Variants in ZNF416 observed in about 807,000 individuals in gnomAD.
ZNF416 encodes the protein zinc finger protein 416.
Under a neutral mutation model 10.9 loss-of-function variants are expected in ZNF416, and 5 were observed. The observed-to-expected ratio is 0.46, with a 90% confidence interval of 0.24 to 0.97. The LOEUF is 0.97. ZNF416 is among the 50% of genes least tolerant of loss of function. ZNF416 has a pLI of 0.19. For synonymous variants in ZNF416, 267 were observed against 251.8 expected, an observed-to-expected ratio of 1.06 and a Z score of -0.57; for missense variants, 675 against 715.0, an observed-to-expected ratio of 0.94 and a Z score of 0.64.
rs781384909 is a variant in ZNF416 at position 57,573,572 on chromosome 19, G to A, written c.332C>T (p.Pro111Leu). The A allele has an allele frequency of 6.2e-7, 1 of 1,614,214 alleles. No individual in the cohort carries two copies. The highest frequency in any genetic ancestry group is 1.1e-5 in the South Asian group (1 of 91,076). Residue 111 changes from proline (P) to leucine (L), a missense_variant, in exon 4 of 4, where the codon CCA becomes CTA. Physicochemically the swap from Pro to Leu is moderately conservative, Grantham distance 98 (BLOSUM62 -3). Coordinates refer to ENST00000196489, the MANE Select transcript of ZNF416 (RefSeq NM_017879.3). ...QKIQSCDMCV[P>L]FLTDILHLTD... ...CAGGTGCAAAATGTCGGTCAGGAAT[G>A]GGACACACATGTCACAGGATTGAAT... is the stretch of plus-strand genomic sequence containing the variant.
Position 57,578,044 on chromosome 19 carries a change from ACT to A in ZNF416, c.75+11_75+12del, listed in dbSNP as rs1262409736. ...GTCAGCATCAGTGAGGGCCCGAAACACTCTCCACTCACCTGTGTAAAGCCCAT... is the reference window on the plus strand; with the variant it reads ...GTCAGCATCAGTGAGGGCCCGAAACACTCCACTCACCTGTGTAAAGCCCAT... On this transcript the variant is annotated intron_variant, in intron 2 of 3. Coordinates refer to ENST00000196489, the MANE Select transcript of ZNF416 (RefSeq NM_017879.3). 3 of 1,613,754 alleles carry A rather than the reference ACT, an allele frequency of 1.9e-6. No homozygotes were observed. The highest frequency in any genetic ancestry group is 4.5e-5 in the East Asian group (2 of 44,870).
chr19:57,575,977 G>A lies in ZNF416; in HGVS notation c.76-47C>T. 4 of 1,593,766 alleles carry A rather than the reference G, an allele frequency of 2.5e-6. No individual in the cohort carries two copies. The highest frequency in any genetic ancestry group is 2.3e-5 in the South Asian group (2 of 88,750). ...TTTCCATGATCAGATTCTCTCCTAGGACCCCAAGTTCATGCCCCCCACACA... is the reference window on the plus strand; with the variant it reads ...TTTCCATGATCAGATTCTCTCCTAGAACCCCAAGTTCATGCCCCCCACACA... On this transcript the variant is annotated intron_variant, in intron 2 of 3. Coordinates refer to ENST00000196489, the MANE Select transcript of ZNF416 (RefSeq NM_017879.3). The surrounding 1 kb of genome is among the most constrained non-coding windows in gnomAD (Gnocchi z 4.4).
rs765600382 is a variant in ZNF416 at position 57,573,550 on chromosome 19, G to A, written c.354C>T (p.His118=). Residue 118 remains histidine, a synonymous_variant, in exon 4 of 4, where the codon CAC becomes CAT. Coordinates refer to ENST00000196489, the MANE Select transcript of ZNF416 (RefSeq NM_017879.3). ...MCVPFLTDIL[H]LTDLPGQELY... ...GTTCCTGCCCAGGCAAATCGGTCAGGTGCAAAATGTCGGTCAGGAATGGGA... is the reference window on the plus strand; with the variant it reads ...GTTCCTGCCCAGGCAAATCGGTCAGATGCAAAATGTCGGTCAGGAATGGGA... 6.2e-7 allele frequency: 1 copy of A among 1,614,186 alleles called. No individual in the cohort carries two copies. Among genetic ancestry groups the A allele is most frequent in the Non-Finnish European group, 8.5e-7 (1 of 1,180,038 alleles).
rs137973128 is a variant in ZNF416, at chr19:57,578,070, A to G, written c.62T>C (p.Met21Thr). Residue 21 changes from methionine (M) to threonine (T), a missense_variant, in exon 2 of 4, where the codon ATG (methionine) becomes ACG (threonine). Coordinates refer to ENST00000196489, the MANE Select transcript of ZNF416 (RefSeq NM_017879.3). ...CTCTCCACTCACCTGTGTAAAGCCC[A>G]TAAGTTTAGCTTCTGCAGTCACGGG... is the stretch of plus-strand genomic sequence containing the variant. Reference protein sequence around the residue: ...SVPVTAEAKLMGFTQGCVTFE... With the variant: ...SVPVTAEAKLTGFTQGCVTFE... The G allele has an allele frequency of 2.4e-4, 394 of 1,614,126 alleles. No individual in the cohort carries two copies. The highest frequency in any genetic ancestry group is 9.7e-4 in the Admixed American group (58 of 60,002).
intron 3 of ZNF416, among the ~76,000 whole-genome samples, chr19:57,574,109 T>A (rs1300795915): frequency 4.6e-5 from 7 of 152,178 alleles, no homozygotes. Context: ...CTTAAAGAGA[T>A]AGCAAAGGGC....
rs1436936509 is a variant in ZNF416 at position 57,578,884 on chromosome 19, A to G, written c.-180T>C. 2 of 498,670 alleles carry G rather than the reference A, an allele frequency of 4.0e-6. No homozygotes were observed. The highest frequency in any genetic ancestry group is 4.0e-5 in the African/African-American group (2 of 49,454). 30.9% of individuals were successfully genotyped at this position (498,670 alleles called of 1,614,324 possible). A position where few individuals can be genotyped will look rare whatever the true frequency, so the allele number is the denominator to read the frequency against. On this transcript the variant is annotated 5_prime_UTR_variant, in exon 1 of 4. Coordinates refer to ENST00000196489, the MANE Select transcript of ZNF416 (RefSeq NM_017879.3). ...GCCGAGGTAGAGAACCACCAAAATTACCATCTCGGAGCGGTGCCGGAAGTC... is the reference window on the plus strand; with the variant it reads ...GCCGAGGTAGAGAACCACCAAAATTGCCATCTCGGAGCGGTGCCGGAAGTC...
chr19:57,572,595 G>A lies in ZNF416; in HGVS notation c.1309C>T (p.Pro437Ser), dbSNP rs1447658071. 2.5e-6 allele frequency: 4 copies of A among 1,614,124 alleles called. No homozygotes were observed. The highest frequency in any genetic ancestry group is 3.4e-6 in the Non-Finnish European group (4 of 1,180,030). ...TTTCCGCACTCATCACACTCAAAGG[G>A]CCTAGCTCCACTGTGAATTAACTGG... ...QHQLIHSGAR[P>S]FECDECGKSF... Residue 437 changes from proline to serine, a missense_variant, in exon 4 of 4, where the codon CCC becomes TCC. Physicochemically the swap from Pro to Ser is moderately conservative, Grantham distance 74. Coordinates refer to ENST00000196489, the MANE Select transcript of ZNF416 (RefSeq NM_017879.3). This position sits in a 1 kb window ranked among gnomAD's most constrained non-coding sequence, Gnocchi z 4.5.
chr19:57,578,705 C>T lies in ZNF416; in HGVS notation c.-1G>A. 8.4e-6 allele frequency: 13 copies of T among 1,540,996 alleles called. No individual in the cohort carries two copies. The highest frequency in any genetic ancestry group is 1.1e-5 in the Non-Finnish European group (13 of 1,144,094). ...AATCCCTAAGCACGGCCGCCGCCAT[C>T]GGATTGTGAGCGGAGCGGGGCCGGG... On this transcript the variant is annotated 5_prime_UTR_variant, in exon 1 of 4. Coordinates refer to ENST00000196489, the MANE Select transcript of ZNF416 (RefSeq NM_017879.3).
At chr19:57,574,060 T>C (rs1298449760) in intron 3 of ZNF416, among the ~76,000 whole-genome samples, 1 of 152,078 alleles carries the variant, frequency 6.6e-6, no homozygotes, top group Non-Finnish European at 1.5e-5. Flanking sequence ...AAAACATTGC[T>C]GGCTGGGGAG....
At position 57,577,305 on chromosome 19, in the gene ZNF416, G is replaced by A. The variant is rs1599910491; in HGVS notation, c.75+752C>T. 2.6e-5 allele frequency among the ~76,000 whole-genome samples: 4 copies of A among 152,164 alleles called. No homozygotes were observed. In the South Asian group the frequency reaches 8.3e-4, roughly 32 times the overall value. Reference sequence around the variant, plus strand: ...TTAAAAAATTTTAAAAATAAAGATGGTCCATATCAAAATTTCTGATTATCT... The same window carrying A: ...TTAAAAAATTTTAAAAATAAAGATGATCCATATCAAAATTTCTGATTATCT... On this transcript the variant is annotated intron_variant, in intron 2 of 3. Transcript: ENST00000196489.
At position 57,572,199 on chromosome 19, in the gene ZNF416, G is replaced by A. The variant is rs773259848; in HGVS notation, c.1705C>T (p.Arg569Ter). The A allele has an allele frequency of 1.7e-5, 28 of 1,614,026 alleles. No individual in the cohort carries two copies. Among genetic ancestry groups the A allele is most frequent in the African/African-American group, 2.7e-5 (2 of 74,900 alleles). Residue 569 changes from arginine (R) to a stop codon, truncating the protein, a stop_gained, in exon 4 of 4, where the codon CGA (arginine) becomes TGA (stop). Coordinates refer to ENST00000196489, the MANE Select transcript of ZNF416 (RefSeq NM_017879.3). LOFTEE classifies it low-confidence loss of function (END_TRUNC). The surrounding 1 kb of genome is among the most constrained non-coding windows in gnomAD (Gnocchi z 4.5). ...GGCCTCTCCACAGTGTGAGATTTTC[G>A]GTGGAGAATGAGGCCAGAGTGTTGT... ...FTQHSGLILH[R>*]KSHTVERPRD...
rs1227076603 is a variant in ZNF416 at position 57,573,415 on chromosome 19, C to T, written c.489G>A (p.Leu163=). 1.9e-6 allele frequency: 3 copies of T among 1,614,244 alleles called. No homozygotes were observed. In the East Asian group the frequency reaches 6.7e-5, roughly 36 times the overall value. Residue 163 remains leucine, a synonymous_variant, in exon 4 of 4, where the codon CTG becomes CTA. Transcript: ENST00000196489. ...MDKASFVQCC[L]FHESGMPFTS... is the part of the protein sequence containing the mutation. ...TGAAAGGCATTCCTGACTCATGGAA[C>T]AGGCAGCACTGCACAAATGAGGCCT...
Position 57,578,849 on chromosome 19 carries a change from G to C in ZNF416, c.-145C>G, listed in dbSNP as rs925400549. 4.2e-5 allele frequency: 32 copies of C among 768,464 alleles called. No homozygotes were observed. Among genetic ancestry groups the C allele is most frequent in the Middle Eastern group, 4.2e-4 (1 of 2,392 alleles). 47.6% of individuals were successfully genotyped at this position (768,464 alleles called of 1,614,324 possible). On this transcript the variant is annotated 5_prime_UTR_variant, in exon 1 of 4. Transcript: ENST00000196489. The stretch of plus-strand genomic sequence containing the variant: ...TGCCGGAGGCAGCGTTTCTAACTCA[G>C]GCGGCGTGGGCCGAGGTAGAGAACC...
In ZNF416 at chr19:57,578,039, G is replaced by A. The variant is rs200181837; in HGVS notation, c.75+18C>T. 464 of 1,614,014 alleles carry A rather than the reference G, an allele frequency of 2.9e-4. No individual in the cohort carries two copies. The highest frequency in any genetic ancestry group is 3.5e-4 in the Non-Finnish European group (417 of 1,179,932). On this transcript the variant is annotated intron_variant, in intron 2 of 3. Transcript: ENST00000196489. ...CTGGGGTCAGCATCAGTGAGGGCCC[G>A]AAACACTCTCCACTCACCTGTGTAA... is the stretch of plus-strand genomic sequence containing the variant.
chr19:57,578,476 C>T lies in ZNF416; in HGVS notation c.33+196G>A, dbSNP rs1978630333. The T allele has an allele frequency of 2.3e-5, 13 of 576,460 alleles. No homozygotes were observed. In the South Asian group the frequency reaches 3.9e-4, roughly 17 times the overall value. 35.7% of individuals were successfully genotyped at this position (576,460 alleles called of 1,614,324 possible). Reference sequence around the variant, plus strand: ...GGCTCAATCGTCCCAGCAAGATTCACAGAAACCGGCCCCTCCGCCTGCCAC... The same window carrying T: ...GGCTCAATCGTCCCAGCAAGATTCATAGAAACCGGCCCCTCCGCCTGCCAC... On this transcript the variant is annotated intron_variant, in intron 1 of 3. Coordinates refer to ENST00000196489, the MANE Select transcript of ZNF416 (RefSeq NM_017879.3).
In ZNF416 at chr19:57,573,721, G is replaced by C; in HGVS notation, c.203-20C>G. 1 of 1,598,182 alleles carries C rather than the reference G, an allele frequency of 6.3e-7. No individual in the cohort carries two copies. Among genetic ancestry groups the C allele is most frequent in the Non-Finnish European group, 8.5e-7 (1 of 1,169,722 alleles). On this transcript the variant is annotated intron_variant, in intron 3 of 3. Transcript: ENST00000196489. Reference sequence around the variant, plus strand: ...AACAAACTGAAAGCAGAGAAACACTGATGAAATGCACGTTGACTATGATGG... The same window carrying C: ...AACAAACTGAAAGCAGAGAAACACTCATGAAATGCACGTTGACTATGATGG...
Position 57,572,408 on chromosome 19 carries a change from C to A in ZNF416, c.1496G>T (p.Cys499Phe). ...ATAGCTTTGTCTAAAAAATTTCCCA[C>A]ATTCACTGCACTCAAAAGGCCTTTC... is the stretch of plus-strand genomic sequence containing the variant. ...TGERPFECSE[C>F]GKFFRQSYTL... The change falls in exon 4 of 4, where the codon TGT becomes TTT. Residue 499 changes from cysteine to phenylalanine, a missense_variant. Cys to Phe is a radical substitution (Grantham distance 205). Transcript: ENST00000196489. This position sits in a 1 kb window ranked among gnomAD's most constrained non-coding sequence, Gnocchi z 4.5. 6.2e-7 allele frequency: 1 copy of A among 1,614,228 alleles called. No individual in the cohort carries two copies. The highest frequency in any genetic ancestry group is 8.5e-7 in the Non-Finnish European group (1 of 1,180,030).
rs150330846 is a variant in ZNF416, at chr19:57,575,930, C to T, written c.76G>A (p.Gly26Ser). ...AEAKLMGFTQ[G>S]CVTFEDVAIY... Reference sequence around the variant, plus strand: ...GCCACGTCCTCAAAGGTCACACAGCCCTGCCATGATGGGGATAGATCTTTC... The same window carrying T: ...GCCACGTCCTCAAAGGTCACACAGCTCTGCCATGATGGGGATAGATCTTTC... Residue 26 changes from glycine (G) to serine (S), a missense_variant and splice_region_variant, in exon 3 of 4, where the codon GGC becomes AGC. By Grantham distance (56) the Gly-to-Ser change is moderately conservative. Transcript: ENST00000196489. This position sits in a 1 kb window ranked among gnomAD's most constrained non-coding sequence, Gnocchi z 4.4. The T allele has an allele frequency of 3.5e-5, 57 of 1,613,664 alleles. No homozygotes were observed. The highest frequency in any genetic ancestry group is 4.7e-5 in the Non-Finnish European group (56 of 1,179,860).
At chr19:57,578,631 G>A in intron 1 of ZNF416, 41 bp downstream of exon 1, 1 of 1,516,652 alleles carries the variant, frequency 6.6e-7, no homozygotes, top group Non-Finnish European at 8.8e-7. Flanking sequence ...TTGGATTTCC[G>A]GCGGAGAGGG....
Sources: gnomAD v4.1 joint callset for allele counts (sites outside exome capture counted in the v4.1 genomes callset) on GRCh38, gnomAD v4.1.1 for gene constraint, Gnocchi (gnomAD v3.1) non-coding constraint, MANE v1.5 for transcripts, NCBI Gene and HGNC (gene_info 2026-07-23, HGNC 2026-07-21) for gene names.